The following PRKCH variants were observed in gnomAD, a reference collection of about 807,000 sequenced individuals.
PRKCH encodes protein kinase C eta.
Under a neutral mutation model 82.5 loss-of-function variants are expected in PRKCH, and 28 were observed. The ratio of observed to expected loss-of-function variants is 0.34; its 90% confidence interval spans 0.25 to 0.47. PRKCH has a LOEUF of 0.47. Ranked by LOEUF, PRKCH falls within the 20% of genes least tolerant of loss-of-function variation. PRKCH has a pLI of 1.00. For missense variants in PRKCH, 705 were observed against 881.8 expected, an observed-to-expected ratio of 0.80 and a Z score of 2.54; for synonymous variants, 322 against 327.4, an observed-to-expected ratio of 0.98 and a Z score of 0.18.
chr14:61,209,819 C>G (rs1056141013), intron 1 of PRKCH, among the ~76,000 whole-genome samples: 4 of 152,056 alleles, frequency 2.6e-5, no homozygotes, highest in African/African-American at 9.7e-5. Flanking sequence ...TCCCTCCCTC[C>G]TTTTGAACTC....
At chr14:61,481,058 T>TG (rs1885949935) in intron 9 of PRKCH, among the ~76,000 whole-genome samples, 1 of 152,158 alleles carries the variant, frequency 6.6e-6, no homozygotes, top group Admixed American at 6.5e-5. Context: ...CCCTGCTCGG[T>TG]GTCCCCATAA....
intron 2 of PRKCH, among the ~76,000 whole-genome samples, chr14:61,419,900 G>A (rs554260153): frequency 1.3e-5 from 2 of 152,340 alleles, no homozygotes; most frequent in South Asian, 4.1e-4. Flanking sequence ...CTCCTTATGT[G>A]TTGAGGTTTG....
At chr14:61,469,221 G>A (rs1885392417) in intron 9 of PRKCH, among the ~76,000 whole-genome samples, 1 of 152,210 alleles carries the variant, frequency 6.6e-6, no homozygotes, top group African/African-American at 2.4e-5. Context: ...ACAGGCATGA[G>A]CCACCGTGCC....
In PRKCH at chr14:61,549,738, A is replaced by C. The variant is rs370885143; in HGVS notation, c.1959A>C (p.Pro653=). The C allele has an allele frequency of 6.2e-7, 1 of 1,613,810 alleles. No individual in the cohort carries two copies. The highest frequency in any genetic ancestry group is 1.3e-5 in the African/African-American group (1 of 74,906). The change falls in exon 14 of 14, where the codon CCA becomes CCC. Residue 653 remains proline, a synonymous_variant. Transcript: ENST00000332981. The part of the protein sequence containing the change: ...NFDPDFIKEE[P]VLTPIDEGHL... ...ACCCTGACTTCATAAAGGAAGAGCCAGTTTTAACTCCAATTGATGAGGGAC... is the reference window on the plus strand; with the variant it reads ...ACCCTGACTTCATAAAGGAAGAGCCCGTTTTAACTCCAATTGATGAGGGAC...
At chr14:61,211,974 C>A (rs1431502208) in intron 1 of PRKCH, among the ~76,000 whole-genome samples, 4 of 152,164 alleles carry the variant, frequency 2.6e-5, no homozygotes, top group African/African-American at 9.7e-5. Flanking sequence ...GCCAGCAGCC[C>A]CCATATCCAC....
chr14:61,264,557 C>T (rs1364617955), intron 1 of PRKCH, among the ~76,000 whole-genome samples: 1 of 152,178 alleles, frequency 6.6e-6, no homozygotes, highest in African/African-American at 2.4e-5. Context: ...GGAATTTGCT[C>T]TTTGTAGTAA....
chr14:61,219,519 A>G (rs2044639521), intron 1 of PRKCH, among the ~76,000 whole-genome samples: 3 of 152,084 alleles, frequency 2.0e-5, no homozygotes. Context: ...CCAGGTGAGG[A>G]GTTAGTTAGC....
At position 61,419,870 on chromosome 14, in the gene PRKCH, G is replaced by A. The variant is rs138777947; in HGVS notation, c.428-23241G>A. Among the ~76,000 whole-genome samples, 25 of 152,304 alleles carry A rather than the reference G, an allele frequency of 1.6e-4. No homozygotes were observed. In the East Asian group the frequency reaches 3.5e-3, roughly 21 times the overall value. On this transcript the variant is annotated intron_variant, in intron 2 of 13. Coordinates refer to ENST00000332981, the MANE Select transcript of PRKCH (RefSeq NM_006255.5). The stretch of plus-strand genomic sequence containing the variant: ...GGATGTGTAGCATAAGGGAAGAGTC[G>A]AAGGGTGGTGTCTGCCTTACTCCTT...
chr14:61,300,294 A>G (rs1336025236), intron 1 of PRKCH, among the ~76,000 whole-genome samples: 1 of 152,200 alleles, frequency 6.6e-6, no homozygotes, highest in Admixed American at 6.5e-5. Context: ...AATTCAAAGG[A>G]AAAAATGTTT....
intron 1 of PRKCH, among the ~76,000 whole-genome samples, chr14:61,239,783 C>T (rs1486275226): frequency 6.6e-6 from 1 of 152,130 alleles, no homozygotes; most frequent in Non-Finnish European, 1.5e-5. Flanking sequence ...CTTAGAGGTG[C>T]TTTCTGTAGT....
intron 1 of PRKCH, among the ~76,000 whole-genome samples, chr14:61,335,559 TA>T (rs2045845948): frequency 6.6e-6 from 1 of 152,052 alleles, no homozygotes; most frequent in Non-Finnish European, 1.5e-5. Context: ...TCAGCCATTG[TA>T]AAAAATAAAA....
intron 2 of PRKCH, among the ~76,000 whole-genome samples, chr14:61,431,660 T>A (rs1594698952): frequency 6.6e-6 from 1 of 152,300 alleles, no homozygotes; most frequent in South Asian, 2.1e-4. Flanking sequence ...ACCACTCAGC[T>A]CTGCAACAGT....
intron 1 of PRKCH, among the ~76,000 whole-genome samples, chr14:61,239,962 G>A (rs2044822060): frequency 6.6e-6 from 1 of 152,078 alleles, no homozygotes; most frequent in Non-Finnish European, 1.5e-5. Context: ...TTACTTTTTT[G>A]TTGTTTATTA....
At chr14:61,427,742 A>G (rs935445446) in intron 2 of PRKCH, among the ~76,000 whole-genome samples, 1 of 151,920 alleles carries the variant, frequency 6.6e-6, no homozygotes, top group African/African-American at 2.4e-5. Flanking sequence ...ATGCACCACC[A>G]TGCCCAGCTA....
chr14:61,391,596 C>CTACTT (rs58609100), intron 2 of PRKCH, among the ~76,000 whole-genome samples: 36,056 of 151,628 alleles, frequency 0.24, 5,505 homozygotes, highest in African/African-American at 0.45. Context: ...CTGTGGAACT[C>CTACTT]TACGTCTTTG....
At chr14:61,509,947 A>T (rs1887305236) in intron 10 of PRKCH, among the ~76,000 whole-genome samples, 1 of 152,026 alleles carries the variant, frequency 6.6e-6, no homozygotes, top group South Asian at 2.1e-4. Flanking sequence ...CAAACTATGA[A>T]TGCTGATGGA....
intron 1 of PRKCH, among the ~76,000 whole-genome samples, chr14:61,202,971 G>C (rs565609455): frequency 2.0e-5 from 3 of 152,160 alleles, no homozygotes; most frequent in Admixed American, 6.5e-5. Context: ...CACCATGACA[G>C]TATCATACAG....
intron 1 of PRKCH, chr14:61,279,945 G>A (rs1016459684): frequency 7.2e-6 from 5 of 696,954 alleles, no homozygotes; most frequent in Non-Finnish European, 9.5e-6. Context: ...AAGAGCAAGG[G>A]GGGTAATTCC....
intron 1 of PRKCH, among the ~76,000 whole-genome samples, chr14:61,273,021 T>C (rs527630986): frequency 1.3e-5 from 2 of 152,192 alleles, no homozygotes; most frequent in South Asian, 4.1e-4. Context: ...CAGTAACATA[T>C]ATTACTTTAA....
Sources: allele counts gnomAD v4.1 joint callset (sites outside exome capture counted in the v4.1 genomes callset), GRCh38; gene constraint gnomAD v4.1.1; transcripts MANE v1.5; gene names NCBI Gene and HGNC (gene_info 2026-07-23, HGNC 2026-07-21).